Variants in GRPR observed in about 807,000 individuals in gnomAD.
GRPR encodes the protein gastrin releasing peptide receptor, also known as gastrin-releasing peptide receptor.
GRPR carries 4 observed loss-of-function variants against 15.6 expected under a neutral mutation model. The ratio of observed to expected loss-of-function variants is 0.26; its 90% CI spans 0.13 to 0.59. The LOEUF (loss-of-function observed/expected upper bound fraction) is 0.59, where lower values mean the gene tolerates loss of function less well. GRPR is among the 20% of genes least tolerant of loss of function. The probability of loss-of-function intolerance (pLI) is 0.90; values close to 1 mark genes in which losing one functional copy is unlikely to be tolerated. For missense variants in GRPR, 270 were observed against 304.1 expected (o/e 0.89, Z 0.83); for synonymous variants, 128 against 126.8 (o/e 1.01, Z -0.06).
At chrX:16,151,627 A>G (rs769657490) in intron 2 of GRPR, among the ~76,000 whole-genome samples, 24 of 111,931 alleles carry the variant, frequency 2.1e-4, no homozygotes, top group Non-Finnish European at 4.5e-4. Flanking sequence ...TTTCCCCTTG[A>G]GGTAGTGGAT....
Position 16,152,587 on chromosome X carries a change from C to T in GRPR, c.1097C>T (p.Pro366Leu), listed in dbSNP as rs1014722438. The T allele has an allele frequency of 1.7e-6, 2 of 1,207,803 alleles. No individual in the cohort carries two copies. The highest frequency in any genetic ancestry group is 2.2e-6 in the Non-Finnish European group (2 of 891,869). The change falls in exon 3 of 3, where the codon CCC becomes CTC. Residue 366 changes from proline to leucine, a missense_variant. Physicochemically the swap from Pro to Leu is moderately conservative, Grantham distance 98. Around this residue, in one of 3 missense-constraint regions of GRPR, gnomAD observed 133 missense variants for 123.4 expected, o/e 1.08. Transcript: ENST00000380289. Reference sequence around the variant, plus strand: ...ATGACCTCCCTCAAGAGTACCAACCCCTCCGTGGCCACCTTTAGCCTCATC... The same window carrying T: ...ATGACCTCCCTCAAGAGTACCAACCTCTCCGTGGCCACCTTTAGCCTCATC... Reference protein sequence around the residue: ...TCMTSLKSTNPSVATFSLING... With the variant: ...TCMTSLKSTNLSVATFSLING...
chrX:16,152,160 C>T, intron 2 of GRPR, 96 bp from the exon 3 acceptor site: 3 of 784,741 alleles, frequency 3.8e-6, no homozygotes, highest in East Asian at 3.1e-5. Context: ...AATTGTTTTT[C>T]CCTTTCTCTT....
chrX:16,145,830 C>T (rs1170442945), intron 1 of GRPR, among the ~76,000 whole-genome samples: 1 of 111,576 alleles, frequency 9.0e-6, no homozygotes, highest in Non-Finnish European at 1.9e-5. Flanking sequence ...AAGACATACC[C>T]ATAGAAAACT....
chrX:16,130,960 G>A (rs1205538252), intron 1 of GRPR, among the ~76,000 whole-genome samples: 3 of 112,333 alleles, frequency 2.7e-5, no homozygotes, highest in Non-Finnish European at 3.8e-5. Context: ...TCCCAGCAAG[G>A]CTCTTTCAAG....
rs768418359 is a variant in GRPR at position 16,134,111 on chromosome X, A to G, written c.413+9745A>G. Reference sequence around the variant, plus strand: ...CTAGAGTCAGACCTCTGTTACTGAGAAGTATTTTAAGCACAATTTCATTTC... The same window carrying G: ...CTAGAGTCAGACCTCTGTTACTGAGGAGTATTTTAAGCACAATTTCATTTC... On this transcript the variant is annotated intron_variant, in intron 1 of 2. Transcript: ENST00000380289. Among the ~76,000 whole-genome samples the G allele has an allele frequency of 3.6e-5, 4 of 111,828 alleles. No homozygotes were observed. In the East Asian group the frequency reaches 1.1e-3, roughly 31 times the overall value.
chrX:16,150,678 A>G, intron 2 of GRPR, 22 bp downstream of exon 2: 1 of 911,403 alleles, frequency 1.1e-6, no homozygotes, highest in Non-Finnish European at 1.6e-6. Flanking sequence ...GGATTGATTC[A>G]TTTCCTCCTT....
chrX:16,141,560 C>T (rs1238852273), intron 1 of GRPR, among the ~76,000 whole-genome samples: 3 of 111,902 alleles, frequency 2.7e-5, no homozygotes, highest in African/African-American at 9.8e-5. Context: ...AGCCCAGACA[C>T]TGCTCTAGGC....
intron 1 of GRPR, among the ~76,000 whole-genome samples, chrX:16,136,441 C>T (rs769340024): frequency 9.0e-6 from 1 of 111,524 alleles, no homozygotes; most frequent in African/African-American, 3.3e-5. Context: ...TCCATGGTGC[C>T]AAGCAGAGCC....
chrX:16,152,629 A>G lies in GRPR; in HGVS notation c.1139A>G (p.His380Arg). The stretch of plus-strand genomic sequence containing the variant: ...AGCCTCATCAATGGAAACATCTGTC[A>G]CGAGCGGTATGTCTAGATTGACCCT... The part of the protein sequence containing the change: ...TFSLINGNIC[H>R]ERYV The change falls in exon 3 of 3, where the codon CAC becomes CGC. Residue 380 changes from histidine to arginine, a missense_variant. By Grantham distance (29) the His-to-Arg change is conservative. This residue lies in a region of GRPR where 133 missense variants were observed against 123.4 expected (regional missense o/e 1.08). Coordinates refer to ENST00000380289, the MANE Select transcript of GRPR (RefSeq NM_005314.3). The G allele has an allele frequency of 1.7e-6, 2 of 1,209,637 alleles. No individual in the cohort carries two copies. The highest frequency in any genetic ancestry group is 2.2e-6 in the Non-Finnish European group (2 of 894,106).
chrX:16,128,696 G>T (rs1922333428), intron 1 of GRPR, among the ~76,000 whole-genome samples: 1 of 110,886 alleles, frequency 9.0e-6, no homozygotes, highest in Non-Finnish European at 1.9e-5. Context: ...TAGCTGATTG[G>T]GTGGGTTACA....
In GRPR at chrX:16,152,343, C is replaced by G. The variant is rs1922722703; in HGVS notation, c.853C>G (p.Leu285Val). 2.5e-6 allele frequency: 3 copies of G among 1,205,964 alleles called. No homozygotes were observed. The highest frequency in any genetic ancestry group is 1.8e-5 in the African/African-American group (1 of 56,907). Residue 285 changes from leucine (L) to valine (V), a missense_variant, in exon 3 of 3, where the codon CTG becomes GTG. Around this residue, in one of 3 missense-constraint regions of GRPR, gnomAD observed 133 missense variants for 123.4 expected, o/e 1.08. Coordinates refer to ENST00000380289, the MANE Select transcript of GRPR (RefSeq NM_005314.3). ...CTGGCTCCCCAATCATGTCATCTAC[C>G]TGTACCGCTCCTACCACTACTCTGA... ...FCWLPNHVIY[L>V]YRSYHYSEVD... is the part of the protein sequence containing the mutation.
Position 16,152,355 on chromosome X carries a change from T to C in GRPR, c.865T>C (p.Tyr289His), listed in dbSNP as rs766475849. 1.7e-6 allele frequency: 2 copies of C among 1,210,433 alleles called. No homozygotes were observed. The highest frequency in any genetic ancestry group is 4.3e-5 in the Admixed American group (2 of 46,087). The change falls in exon 3 of 3, where the codon TAC becomes CAC. Residue 289 changes from tyrosine to histidine, a missense_variant. Transcript: ENST00000380289. ...PNHVIYLYRS[Y>H]HYSEVDTSML... ...TCATGTCATCTACCTGTACCGCTCC[T>C]ACCACTACTCTGAGGTGGACACCTC... is the stretch of plus-strand genomic sequence containing the variant.
chrX:16,151,797 G>T (rs749058229), intron 2 of GRPR, among the ~76,000 whole-genome samples: 1 of 112,381 alleles, frequency 8.9e-6, no homozygotes, highest in Non-Finnish European at 1.9e-5. Context: ...TTCTGAGCAT[G>T]AGAGGGAATA....
intron 1 of GRPR, among the ~76,000 whole-genome samples, chrX:16,133,230 G>A (rs183617649): frequency 1.3e-4 from 14 of 111,394 alleles, no homozygotes; most frequent in Admixed American, 2.9e-4. Context: ...TTACAACAGC[G>A]TGTATCCCTG....
intron 1 of GRPR, among the ~76,000 whole-genome samples, chrX:16,140,926 T>C (rs2147034168): frequency 8.9e-6 from 1 of 111,979 alleles, no homozygotes; most frequent in South Asian, 3.8e-4. Context: ...TTTGTTTTTT[T>C]CCCCCGTTCT....
At chrX:16,127,200 G>GC (rs1346801511) in intron 1 of GRPR, among the ~76,000 whole-genome samples, 3 of 111,400 alleles carry the variant, frequency 2.7e-5, no homozygotes, top group Non-Finnish European at 5.7e-5. Context: ...ATCCATCCCT[G>GC]CCCCCTATAC....
intron 1 of GRPR, among the ~76,000 whole-genome samples, chrX:16,131,573 C>T (rs1023114803): frequency 1.8e-5 from 2 of 112,131 alleles, no homozygotes; most frequent in Non-Finnish European, 3.8e-5. Flanking sequence ...AGATAGAGGA[C>T]ATTTTCGTCA....
chrX:16,149,254 G>C (rs1922652400), intron 1 of GRPR, among the ~76,000 whole-genome samples: 1 of 111,732 alleles, frequency 8.9e-6, no homozygotes, highest in Non-Finnish European at 1.9e-5. Flanking sequence ...GGCAAACCAA[G>C]ATGTTTAGTC....
In GRPR at chrX:16,152,306, G is replaced by C. The variant is rs1411544099; in HGVS notation, c.816G>C (p.Leu272=). 3 of 1,204,952 alleles carry C rather than the reference G, an allele frequency of 2.5e-6. No individual in the cohort carries two copies. Residue 272 remains leucine, a synonymous_variant, in exon 3 of 3, where the codon CTG becomes CTC. Coordinates refer to ENST00000380289, the MANE Select transcript of GRPR (RefSeq NM_005314.3). ...AGACAGTGCTGGTGTTTGTGGGCCT[G>C]TTCGCCTTCTGCTGGCTCCCCAATC... is the stretch of plus-strand genomic sequence containing the variant. The part of the protein sequence containing the change: ...LAKTVLVFVG[L]FAFCWLPNHV...
Sources: gnomAD v4.1 joint callset for allele counts (sites outside exome capture counted in the v4.1 genomes callset) on GRCh38, gnomAD v4.1.1 for gene constraint, gnomAD v4.1.1 regional missense constraint, MANE v1.5 for transcripts, NCBI Gene and HGNC (gene_info 2026-07-23, HGNC 2026-07-21) for gene names.